Variants in ENTHD1 observed in about 807,000 individuals in gnomAD.
ENTHD1 encodes ENTH domain containing 1.
In ENTHD1, 23 loss-of-function variants were observed where a neutral mutation model predicts 39.1. That is an observed-to-expected ratio of 0.59 (90% CI 0.42 to 0.83). ENTHD1 has a LOEUF of 0.83. Among genes scored for constraint, ENTHD1 ranks in the 40% least tolerant of loss-of-function variants. The pLI is 0.00. For missense variants in ENTHD1, 624 were observed against 705.4 expected, an observed-to-expected ratio of 0.88 and a Z score of 1.31; for synonymous variants, 230 against 258.2, an observed-to-expected ratio of 0.89 and a Z score of 1.05.
intron 5 of ENTHD1, among the ~76,000 whole-genome samples, chr22:39,813,185 C>G (rs1361170855): frequency 6.6e-6 from 1 of 152,138 alleles, no homozygotes; most frequent in Non-Finnish European, 1.5e-5. Context: ...TAGAGAACAC[C>G]TTATTTATTT....
intron 3 of ENTHD1, among the ~76,000 whole-genome samples, chr22:39,842,232 G>A (rs1164556845): frequency 1.3e-5 from 2 of 151,894 alleles, no homozygotes; most frequent in Non-Finnish European, 2.9e-5. Flanking sequence ...TGCTCTTCTC[G>A]AGGAGTATCT....
chr22:39,749,543 T>A (rs561761852), intron 6 of ENTHD1, among the ~76,000 whole-genome samples: 15 of 152,258 alleles, frequency 9.9e-5, no homozygotes, highest in Non-Finnish European at 2.1e-4. Context: ...AAAACTCTTA[T>A]GAGCTAGAGA....
At chr22:39,755,212 A>G (rs1220852106) in intron 6 of ENTHD1, among the ~76,000 whole-genome samples, 3 of 152,198 alleles carry the variant, frequency 2.0e-5, no homozygotes, top group Non-Finnish European at 4.4e-5. Flanking sequence ...GATGAGGATA[A>G]TTATAGGGTA....
chr22:39,749,794 G>A (rs367925875), intron 6 of ENTHD1, among the ~76,000 whole-genome samples: 1 of 152,222 alleles, frequency 6.6e-6, no homozygotes, highest in East Asian at 1.9e-4. Flanking sequence ...GGGAACAGGA[G>A]GAGGCAACCA....
At chr22:39,795,679 C>T (rs1338253654) in intron 5 of ENTHD1, among the ~76,000 whole-genome samples, 2 of 151,818 alleles carry the variant, frequency 1.3e-5, no homozygotes, top group Non-Finnish European at 1.5e-5. Flanking sequence ...TCCTCCAACT[C>T]AGCCTCCCAG....
intron 5 of ENTHD1, among the ~76,000 whole-genome samples, chr22:39,793,386 A>C (rs919606421): frequency 6.7e-6 from 1 of 149,750 alleles, no homozygotes; most frequent in Non-Finnish European, 1.5e-5. Context: ...AATATTCCAG[A>C]TCCTAGTCCC....
At chr22:39,755,723 G>A (rs936149005) in intron 6 of ENTHD1, among the ~76,000 whole-genome samples, 37 of 152,094 alleles carry the variant, frequency 2.4e-4, no homozygotes, top group East Asian at 7.7e-4. Flanking sequence ...TTCTAAAGGC[G>A]GAATTAAAAA....
At chr22:39,848,027 A>C (rs573628774) in intron 3 of ENTHD1, among the ~76,000 whole-genome samples, 37 of 152,316 alleles carry the variant, frequency 2.4e-4, no homozygotes, top group African/African-American at 7.5e-4. Context: ...AGTTCAATCC[A>C]GCTGTTGGCA....
At chr22:39,876,530 A>AG (rs1426442529) in intron 2 of ENTHD1, among the ~76,000 whole-genome samples, 73 of 151,922 alleles carry the variant, frequency 4.8e-4, no homozygotes, top group African/African-American at 1.7e-3. Flanking sequence ...AAAAAAAAAA[A>AG]AAAAGAAATT....
intron 5 of ENTHD1, among the ~76,000 whole-genome samples, chr22:39,819,611 C>T (rs1196052550): frequency 6.6e-6 from 1 of 152,032 alleles, no homozygotes; most frequent in African/African-American, 2.4e-5. Context: ...GAATAGAGCA[C>T]AGAGGATTTT....
At chr22:39,756,092 G>A (rs1173382833) in intron 6 of ENTHD1, among the ~76,000 whole-genome samples, 1 of 152,100 alleles carries the variant, frequency 6.6e-6, no homozygotes, top group Non-Finnish European at 1.5e-5. Context: ...TGGGAGCTTT[G>A]CCATCCTCTC....
chr22:39,877,138 A>C (rs1191331027), intron 2 of ENTHD1, among the ~76,000 whole-genome samples: 2 of 152,158 alleles, frequency 1.3e-5, no homozygotes, highest in Non-Finnish European at 2.9e-5. Flanking sequence ...GTTGAGCCTA[A>C]ATTGTAATGG....
intron 3 of ENTHD1, among the ~76,000 whole-genome samples, chr22:39,846,561 CATG>C (rs2065990912): frequency 6.6e-6 from 1 of 152,082 alleles, no homozygotes; most frequent in Non-Finnish European, 1.5e-5. Flanking sequence ...AGTCCTTGCC[CATG>C]CCTATGTCCT....
rs573147339 is a variant in ENTHD1 at position 39,814,313 on chromosome 22, A to G, written c.832+6680T>C. ...ATCTCTACAAAAAAAAAAAAAAAAT[A>G]ACCAGGTGTGGTGGTGTGAGCCTGT... On this transcript the variant is annotated intron_variant, in intron 5 of 6. Coordinates refer to ENST00000325157, the MANE Select transcript of ENTHD1 (RefSeq NM_152512.4). Among the ~76,000 whole-genome samples the G allele has an allele frequency of 1.8e-4, 27 of 151,450 alleles. No homozygotes were observed. In the South Asian group the frequency reaches 5.4e-3, roughly 30 times the overall value.
rs2065904223 is a variant in ENTHD1 at position 39,835,861 on chromosome 22, A to C, written c.690T>G (p.Ile230Met). Residue 230 changes from isoleucine to methionine, a missense_variant, in exon 4 of 7, where the codon ATT becomes ATG. Coordinates refer to ENST00000325157, the MANE Select transcript of ENTHD1 (RefSeq NM_152512.4). The stretch of plus-strand genomic sequence containing the variant: ...TTACCTCTGTTGATTTCCAACCATG[A>C]ATCTTGAGTGGAAGTGTTTCCTGGG... ...MLSQETLPLK[I>M]HGWKSTEDLM... is the part of the protein sequence containing the mutation. 1 of 1,608,522 alleles carries C rather than the reference A, an allele frequency of 6.2e-7. No individual in the cohort carries two copies. Among genetic ancestry groups the C allele is most frequent in the South Asian group, 1.1e-5 (1 of 89,982 alleles).
In ENTHD1 at chr22:39,809,346, CAG is replaced by C. The variant is rs1294771159; in HGVS notation, c.832+11645_832+11646del. 2.0e-5 allele frequency among the ~76,000 whole-genome samples: 3 copies of C among 152,290 alleles called. No homozygotes were observed. The East Asian group carries it at 5.8e-4, about 29-fold the overall frequency. The stretch of plus-strand genomic sequence containing the variant: ...ACAAACACATAGTTACACAGTAAGT[CAG>C]ATGCTGATAAGTGCTATAGAGTGAA... On this transcript the variant is annotated intron_variant, in intron 5 of 6. Transcript: ENST00000325157.
chr22:39,770,811 T>C (rs1371815273), intron 5 of ENTHD1, among the ~76,000 whole-genome samples: 1 of 152,174 alleles, frequency 6.6e-6, no homozygotes, highest in African/African-American at 2.4e-5. Flanking sequence ...TGGATGCAAG[T>C]AAATCAGCCT....
chr22:39,790,985 C>T (rs887790095), intron 5 of ENTHD1, among the ~76,000 whole-genome samples: 6 of 151,904 alleles, frequency 3.9e-5, no homozygotes, highest in African/African-American at 1.5e-4. Context: ...AATGTGTGTA[C>T]GTGGCGAGGG....
intron 6 of ENTHD1, 123 bp downstream of exon 6, chr22:39,765,097 TGAA>T: frequency 7.2e-7 from 1 of 1,390,190 alleles, no homozygotes; most frequent in East Asian, 2.5e-5. Flanking sequence ...ATATCAATGA[TGAA>T]GAGTGAAAGG....
Sources: allele counts gnomAD v4.1 joint callset (sites outside exome capture counted in the v4.1 genomes callset), GRCh38; gene constraint gnomAD v4.1.1; transcripts MANE v1.5; gene names NCBI Gene and HGNC (gene_info 2026-07-23, HGNC 2026-07-21).